Variants in DDX10 observed in about 807,000 individuals in gnomAD.
DDX10 encodes the protein probable ATP-dependent RNA helicase DDX10.
In DDX10, 74 loss-of-function variants were observed where a neutral mutation model predicts 104.3. The ratio of observed to expected loss-of-function variants is 0.71; its 90% CI spans 0.59 to 0.86. DDX10 has a LOEUF of 0.86. Ranked by LOEUF, DDX10 falls within the 40% of genes least tolerant of loss-of-function variation. DDX10 has a pLI of 0.00. For synonymous variants in DDX10, 351 were observed against 353.4 expected (o/e 0.99, Z 0.08); for missense variants, 952 against 1,040.0 (o/e 0.92, Z 1.16).
At chr11:108,698,927 G>A (rs951645269) in intron 9 of DDX10, among the ~76,000 whole-genome samples, 1 of 152,162 alleles carries the variant, frequency 6.6e-6, no homozygotes, top group Non-Finnish European at 1.5e-5. Context: ...TCTCTTTTCT[G>A]CTGGAATGCA....
chr11:108,672,085 A>AG (rs1213243662), intron 1 of DDX10, among the ~76,000 whole-genome samples: 1 of 151,328 alleles, frequency 6.6e-6, no homozygotes, highest in East Asian at 1.9e-4. Flanking sequence ...AAAAAAAAAA[A>AG]AGGAATATGG....
intron 13 of DDX10, among the ~76,000 whole-genome samples, chr11:108,763,913 T>G (rs1306398046): frequency 6.6e-6 from 1 of 152,210 alleles, no homozygotes; most frequent in African/African-American, 2.4e-5. Flanking sequence ...CTAACAGGTT[T>G]CAAATTACTT....
At chr11:108,929,913 T>A (rs1035153104) in intron 17 of DDX10, among the ~76,000 whole-genome samples, 11 of 152,224 alleles carry the variant, frequency 7.2e-5, no homozygotes, top group African/African-American at 2.7e-4. Flanking sequence ...AGTTTTCATA[T>A]TTCTCTTCAC....
intron 10 of DDX10, among the ~76,000 whole-genome samples, chr11:108,714,759 G>A (rs948316796): frequency 6.6e-6 from 1 of 150,974 alleles, no homozygotes; most frequent in African/African-American, 2.5e-5. Flanking sequence ...ACTTGTATTG[G>A]CGCTGTTGAA....
intron 16 of DDX10, among the ~76,000 whole-genome samples, chr11:108,856,779 C>T (rs893064764): frequency 5.9e-5 from 9 of 152,120 alleles, no homozygotes; most frequent in Admixed American, 2.0e-4. Flanking sequence ...AATTGAAGAG[C>T]GAGTGTGGCA....
At chr11:108,758,587 A>C (rs1248088081) in intron 13 of DDX10, among the ~76,000 whole-genome samples, 2 of 152,054 alleles carry the variant, frequency 1.3e-5, no homozygotes, top group African/African-American at 4.8e-5. Context: ...CCTTTCTGGG[A>C]GGCTCTAGAG....
At chr11:108,871,659 T>G (rs567121686) in intron 16 of DDX10, among the ~76,000 whole-genome samples, 5 of 152,192 alleles carry the variant, frequency 3.3e-5, no homozygotes, top group Non-Finnish European at 7.3e-5. Context: ...CTGGGCGCGT[T>G]GGCTCACGCC....
At chr11:108,808,278 T>C (rs1331033910) in intron 13 of DDX10, among the ~76,000 whole-genome samples, 1 of 151,930 alleles carries the variant, frequency 6.6e-6, no homozygotes, top group Non-Finnish European at 1.5e-5. Context: ...TTTGAGAATG[T>C]AATATGTAGA....
chr11:108,859,562 A>G (rs150710315), intron 16 of DDX10, among the ~76,000 whole-genome samples: 19 of 152,332 alleles, frequency 1.2e-4, no homozygotes, highest in Non-Finnish European at 2.4e-4. Flanking sequence ...ATCCTTTCCA[A>G]TGAAACAGCC....
At chr11:108,720,683 C>T (rs145103074) in intron 12 of DDX10, among the ~76,000 whole-genome samples, 19 of 152,166 alleles carry the variant, frequency 1.2e-4, no homozygotes, top group Non-Finnish European at 2.6e-4. Flanking sequence ...CTTGACCTCC[C>T]AGGCTTAGGT....
intron 16 of DDX10, among the ~76,000 whole-genome samples, chr11:108,913,138 GAC>G (rs1863701718): frequency 6.6e-6 from 1 of 152,144 alleles, no homozygotes; most frequent in African/African-American, 2.4e-5. Flanking sequence ...ACACACCCAT[GAC>G]ACAGCCTCAG....
At chr11:108,856,778 G>C (rs1404291742) in intron 16 of DDX10, among the ~76,000 whole-genome samples, 2 of 151,954 alleles carry the variant, frequency 1.3e-5, no homozygotes, top group Non-Finnish European at 2.9e-5. Flanking sequence ...AAATTGAAGA[G>C]CGAGTGTGGC....
intron 17 of DDX10, among the ~76,000 whole-genome samples, chr11:108,936,138 A>C (rs1565323976): frequency 6.6e-6 from 1 of 152,200 alleles, no homozygotes; most frequent in Non-Finnish European, 1.5e-5. Flanking sequence ...AGGGACCCTA[A>C]GTTGGAGATC....
At chr11:108,815,181 T>C (rs1054887750) in intron 13 of DDX10, among the ~76,000 whole-genome samples, 1 of 152,084 alleles carries the variant, frequency 6.6e-6, no homozygotes, top group Non-Finnish European at 1.5e-5. Context: ...CATTACCTTT[T>C]GGTTTATATA....
intron 13 of DDX10, among the ~76,000 whole-genome samples, chr11:108,784,510 A>C (rs372247024): frequency 1.3e-5 from 2 of 151,998 alleles, no homozygotes; most frequent in African/African-American, 4.8e-5. Flanking sequence ...TAGCCTCCAG[A>C]GTAGCTCTTT....
intron 16 of DDX10, among the ~76,000 whole-genome samples, chr11:108,909,529 G>T (rs2134655999): frequency 6.6e-6 from 1 of 151,752 alleles, no homozygotes; most frequent in South Asian, 2.1e-4. Context: ...GGCTGTTTCT[G>T]AGTTTAGGCC....
intron 13 of DDX10, among the ~76,000 whole-genome samples, chr11:108,826,340 C>T (rs543688772): frequency 1.5e-4 from 23 of 152,132 alleles, no homozygotes; most frequent in East Asian, 3.9e-4. Context: ...GACATAGTTC[C>T]GTTACAATTA....
At chr11:108,741,304 A>C (rs2094324948) in intron 13 of DDX10, among the ~76,000 whole-genome samples, 1 of 152,130 alleles carries the variant, frequency 6.6e-6, no homozygotes. Context: ...TTTTGGTTCC[A>C]TATGAATTTT....
chr11:108,816,436 C>T (rs1052688718), intron 13 of DDX10, among the ~76,000 whole-genome samples: 1 of 152,162 alleles, frequency 6.6e-6, no homozygotes, highest in Non-Finnish European at 1.5e-5. Context: ...CTTTTATCTC[C>T]CAGATCTACC....
Sources: gnomAD v4.1 joint callset for allele counts (sites outside exome capture counted in the v4.1 genomes callset) on GRCh38, gnomAD v4.1.1 for gene constraint, MANE v1.5 for transcripts, NCBI Gene and HGNC (gene_info 2026-07-23, HGNC 2026-07-21) for gene names.